The following EPHB1 variants were observed in gnomAD, a reference collection of about 807,000 sequenced individuals.
EPHB1 encodes the protein EPH receptor B1, also known as ephrin type-B receptor 1.
EPHB1 carries 30 observed loss-of-function variants against 94.4 expected under a neutral mutation model. That is an observed-to-expected ratio of 0.32 (90% CI 0.24 to 0.43). The LOEUF (loss-of-function observed/expected upper bound fraction) is 0.43, where lower values mean the gene tolerates loss of function less well. Among genes scored for constraint, EPHB1 ranks in the 20% least tolerant of loss-of-function variants. EPHB1 has a pLI of 1.00. For missense variants in EPHB1, 1,055 were observed against 1,308.3 expected, an observed-to-expected ratio of 0.81 and a Z score of 2.99; for synonymous variants, 522 against 489.1, an observed-to-expected ratio of 1.07 and a Z score of -0.89.
chr3:134,986,836 T>C (rs1484813008), intron 3 of EPHB1, among the ~76,000 whole-genome samples: 1 of 152,086 alleles, frequency 6.6e-6, no homozygotes, highest in Non-Finnish European at 1.5e-5. Flanking sequence ...ATTTTGTAAT[T>C]GTAATCTCAG....
chr3:135,072,687 T>G (rs1303372656), intron 3 of EPHB1, among the ~76,000 whole-genome samples: 1 of 152,258 alleles, frequency 6.6e-6, no homozygotes, highest in Non-Finnish European at 1.5e-5. Flanking sequence ...TTTTTGTGGC[T>G]GGCTCTGACC....
chr3:135,224,061 A>G (rs1443181493), intron 12 of EPHB1, among the ~76,000 whole-genome samples: 1 of 152,224 alleles, frequency 6.6e-6, no homozygotes, highest in African/African-American at 2.4e-5. Context: ...ATATGTTCAG[A>G]TACACAAATA....
chr3:135,199,844 C>T (rs1020529534), intron 11 of EPHB1, among the ~76,000 whole-genome samples: 2 of 152,172 alleles, frequency 1.3e-5, no homozygotes, highest in Admixed American at 6.5e-5. Context: ...TTTTATTTTT[C>T]CTTGCTTATT....
At chr3:135,209,017 C>T (rs1459869256) in intron 12 of EPHB1, among the ~76,000 whole-genome samples, 4 of 152,140 alleles carry the variant, frequency 2.6e-5, no homozygotes, top group African/African-American at 9.7e-5. Context: ...CAACATCCAG[C>T]TTGAAGGGCC....
At chr3:134,923,484 C>T (rs1377540023) in intron 1 of EPHB1, among the ~76,000 whole-genome samples, 1 of 152,158 alleles carries the variant, frequency 6.6e-6, no homozygotes, top group East Asian at 1.9e-4. Context: ...CCACTCAGGC[C>T]CTTTGGCCCC....
intron 10 of EPHB1, among the ~76,000 whole-genome samples, chr3:135,185,822 G>C (rs915716567): frequency 6.6e-6 from 1 of 152,196 alleles, no homozygotes; most frequent in Admixed American, 6.5e-5. Context: ...AATACCCATT[G>C]CTTCTCTCTA....
intron 1 of EPHB1, among the ~76,000 whole-genome samples, chr3:134,903,594 C>G (rs116834039): frequency 0.012 from 1,778 of 152,240 alleles, 35 homozygotes; most frequent in African/African-American, 0.037. Context: ...GTTTGGGGTC[C>G]TTTCACTGTC....
chr3:135,245,698 C>T lies in EPHB1; in HGVS notation c.2497-2618C>T, dbSNP rs893201613. Among the ~76,000 whole-genome samples the T allele has an allele frequency of 6.1e-5, 9 of 146,590 alleles. No individual in the cohort carries two copies. In the South Asian group the frequency reaches 1.1e-3, roughly 18 times the overall value. On this transcript the variant is annotated intron_variant, in intron 13 of 15. Coordinates refer to ENST00000398015, the MANE Select transcript of EPHB1 (RefSeq NM_004441.5). ...GTGCATGCCTGTAGTCCCAGCTACTCGGGAGGCTGAGGCAGGAGAATTGCT... is the reference window on the plus strand; with the variant it reads ...GTGCATGCCTGTAGTCCCAGCTACTTGGGAGGCTGAGGCAGGAGAATTGCT...
chr3:134,927,068 G>T (rs1578203217), intron 2 of EPHB1, among the ~76,000 whole-genome samples: 2 of 152,256 alleles, frequency 1.3e-5, no homozygotes, highest in Admixed American at 1.3e-4. Context: ...CCAGCCAGTG[G>T]GTGATGTCTG....
At chr3:135,141,131 G>T (rs1194740742) in intron 5 of EPHB1, among the ~76,000 whole-genome samples, 1 of 149,872 alleles carries the variant, frequency 6.7e-6, no homozygotes, top group East Asian at 2.0e-4. Context: ...AAGCGTGTGC[G>T]CTTCTTTCCT....
chr3:134,918,645 C>T (rs2107698592), intron 1 of EPHB1, among the ~76,000 whole-genome samples: 1 of 152,170 alleles, frequency 6.6e-6, no homozygotes, highest in East Asian at 1.9e-4. Context: ...TCTGTTGGCT[C>T]ACACAGTTCT....
chr3:134,967,310 G>A (rs1379518598), intron 3 of EPHB1, among the ~76,000 whole-genome samples: 2 of 152,134 alleles, frequency 1.3e-5, no homozygotes, highest in Non-Finnish European at 2.9e-5. Flanking sequence ...GAAAGGAAAA[G>A]GAAATAGAAC....
Position 134,951,771 on chromosome 3 carries a change from T to A in EPHB1, c.524T>A (p.Leu175His). The A allele has an allele frequency of 1.2e-6, 2 of 1,614,064 alleles. No individual in the cohort carries two copies. Among genetic ancestry groups the A allele is most frequent in the Non-Finnish European group, 1.7e-6 (2 of 1,179,904 alleles). The change falls in exon 3 of 16, where the codon CTC becomes CAC. Residue 175 changes from leucine (L) to histidine (H), a missense_variant. Leu to His is a moderately conservative substitution (Grantham distance 99). Coordinates refer to ENST00000398015, the MANE Select transcript of EPHB1 (RefSeq NM_004441.5). This position sits in a 1 kb window ranked among gnomAD's most constrained non-coding sequence, Gnocchi z 4.5. ...CCTCTTACTCGGAATGGTTTTTACC[T>A]CGCTTTTCAGGATTATGGAGCCTGT... ...FGPLTRNGFY[L>H]AFQDYGACMS...
chr3:135,203,489 T>A (rs1407850491), intron 12 of EPHB1, among the ~76,000 whole-genome samples: 1 of 152,178 alleles, frequency 6.6e-6, no homozygotes, highest in African/African-American at 2.4e-5. Context: ...AACGGCCATC[T>A]AGTAAATATT....
At chr3:134,864,534 T>C (rs6439529) in intron 1 of EPHB1, among the ~76,000 whole-genome samples, 1 of 152,030 alleles carries the variant, frequency 6.6e-6, no homozygotes, top group Non-Finnish European at 1.5e-5. Context: ...CCTTTTTCTC[T>C]CCTCTTAATA....
intron 3 of EPHB1, among the ~76,000 whole-genome samples, chr3:135,041,738 G>A (rs1295785170): frequency 6.6e-6 from 1 of 152,178 alleles, no homozygotes; most frequent in Non-Finnish European, 1.5e-5. Context: ...CACAGACTGT[G>A]TAATTTATAA....
At chr3:135,190,886 C>A (rs930147382) in intron 10 of EPHB1, among the ~76,000 whole-genome samples, 4 of 152,094 alleles carry the variant, frequency 2.6e-5, no homozygotes, top group Admixed American at 2.0e-4. Context: ...AAGCTACAAA[C>A]AGGAATGAGA....
At position 135,086,707 on chromosome 3, in the gene EPHB1, A is replaced by C. The variant is rs541935826; in HGVS notation, c.806-19741A>C. 4.0e-4 allele frequency among the ~76,000 whole-genome samples: 61 copies of C among 150,820 alleles called. 1 individual carries two copies. In the East Asian group the frequency reaches 0.011, roughly 27 times the overall value. ...AGAGGAGACTGCCTGTTCTCTCCCC[A>C]CCCCTCTATATGCTTCTCTTTTCAC... is the stretch of plus-strand genomic sequence containing the variant. On this transcript the variant is annotated intron_variant, in intron 3 of 15. Transcript: ENST00000398015.
intron 12 of EPHB1, among the ~76,000 whole-genome samples, chr3:135,226,177 C>G (rs966074871): frequency 6.6e-6 from 1 of 152,200 alleles, no homozygotes. Flanking sequence ...CATGGTCCAG[C>G]CTACACTACG....
Sources: allele counts gnomAD v4.1 joint callset (sites outside exome capture counted in the v4.1 genomes callset), GRCh38; gene constraint gnomAD v4.1.1; non-coding constraint Gnocchi (gnomAD v3.1); transcripts MANE v1.5; gene names NCBI Gene and HGNC (gene_info 2026-07-23, HGNC 2026-07-21).